Variants in CEP104 observed in about 807,000 individuals in gnomAD.
CEP104 encodes the protein centrosomal protein of 104 kDa.
CEP104 carries 84 observed loss-of-function variants against 113.3 expected under a neutral mutation model. The ratio of observed to expected loss-of-function variants is 0.74; its 90% CI spans 0.62 to 0.89. The LOEUF is 0.89. Ranked by LOEUF, CEP104 falls within the 40% of genes least tolerant of loss-of-function variation. The pLI, the probability that CEP104 is intolerant of heterozygous loss-of-function variation, is 0.00. For synonymous variants in CEP104, 378 were observed against 421.7 expected (o/e 0.90, Z 1.27); for missense variants, 1,053 against 1,156.6 (o/e 0.91, Z 1.30).
At position 3,815,391 on chromosome 1, in the gene CEP104, C is replaced by T. The variant is rs768166299; in HGVS notation, c.*11G>A. The stretch of plus-strand genomic sequence containing the variant: ...CATCCCTCACAGAGACCAAGGAGCC[C>T]GAGCGCCGCGTCAGCGCTTGGCGTA... On this transcript the variant is annotated 3_prime_UTR_variant, in exon 22 of 22. Transcript: ENST00000378230. The T allele has an allele frequency of 1.1e-5, 17 of 1,591,044 alleles. No homozygotes were observed. Among genetic ancestry groups the T allele is most frequent in the South Asian group, 5.6e-5 (5 of 89,008 alleles).
In CEP104 at chr1:3,825,850, C is replaced by T; in HGVS notation, c.2272G>A (p.Gly758Arg). ...HYLDNLCIFC[G>R]ERSESFTEEG... Reference sequence around the variant, plus strand: ...TCTGTGAAGGATTCACTCCTTTCCCCACAAAAAATACACAAACTGAAAGCA... The same window carrying T: ...TCTGTGAAGGATTCACTCCTTTCCCTACAAAAAATACACAAACTGAAAGCA... The change falls in exon 18 of 22, where the codon GGG becomes AGG. Residue 758 changes from glycine (G) to arginine (R), a missense_variant. By Grantham distance (125) the Gly-to-Arg change is moderately radical. Transcript: ENST00000378230. 1 of 1,612,492 alleles carries T rather than the reference C, an allele frequency of 6.2e-7. No individual in the cohort carries two copies. The highest frequency in any genetic ancestry group is 8.5e-7 in the Non-Finnish European group (1 of 1,178,536).
rs41450948 is a variant in CEP104, at chr1:3,839,354, T to C, written c.736-235A>G. Among the ~76,000 whole-genome samples the C allele has an allele frequency of 0.014, 2,096 of 152,260 alleles. 46 individuals carry two copies. Among genetic ancestry groups the C allele is most frequent in the African/African-American group, 0.048 (1,983 of 41,560 alleles). ...GATAGCTGGTTTTCCTATTTTCCCA[T>C]TGGGCTCAGGGTCCTAGTAACGAGG... On this transcript the variant is annotated intron_variant, in intron 7 of 21. Coordinates refer to ENST00000378230, the MANE Select transcript of CEP104 (RefSeq NM_014704.4).
intron 8 of CEP104, 78 bp downstream of exon 8, chr1:3,838,886 A>G (rs1332004392): frequency 6.8e-7 from 1 of 1,469,718 alleles, no homozygotes. Context: ...AAAGACATCT[A>G]TCCACTGTTG....
chr1:3,837,477 A>T lies in CEP104; in HGVS notation c.934T>A (p.Ser312Thr). Residue 312 changes from serine (S) to threonine (T), a missense_variant, in exon 9 of 22, where the codon TCT becomes ACT. Coordinates refer to ENST00000378230, the MANE Select transcript of CEP104 (RefSeq NM_014704.4). ...GGCTTTTGGTGGCAAGGACTGCCAGAACGAGCGAGGGGCTGGAGGGGCAAA... is the reference window on the plus strand; with the variant it reads ...GGCTTTTGGTGGCAAGGACTGCCAGTACGAGCGAGGGGCTGGAGGGGCAAA... ...FDLPLQPLARSGSPCHQKPMP... is the reference protein window; with the variant it reads ...FDLPLQPLARTGSPCHQKPMP... 2 of 1,614,272 alleles carry T rather than the reference A, an allele frequency of 1.2e-6. No individual in the cohort carries two copies. The highest frequency in any genetic ancestry group is 1.7e-6 in the Non-Finnish European group (2 of 1,180,050).
At position 3,836,712 on chromosome 1, in the gene CEP104, G is replaced by C. The variant is rs1421272603; in HGVS notation, c.1120-20C>G. 1 of 1,611,480 alleles carries C rather than the reference G, an allele frequency of 6.2e-7. No individual in the cohort carries two copies. Among genetic ancestry groups the C allele is most frequent in the Non-Finnish European group, 8.5e-7 (1 of 1,179,312 alleles). ...CTCTGCCTGCAGTGAGTGAAGGAGAGAGGAAAGTGCTGGGGAGCTCCATAG... is the reference window on the plus strand; with the variant it reads ...CTCTGCCTGCAGTGAGTGAAGGAGACAGGAAAGTGCTGGGGAGCTCCATAG... On this transcript the variant is annotated intron_variant, in intron 9 of 21. Transcript: ENST00000378230.
At chr1:3,843,124 G>A (rs750635831) in intron 6 of CEP104, 41 of 634,168 alleles carry the variant, frequency 6.5e-5, no homozygotes, top group Non-Finnish European at 9.0e-5. Flanking sequence ...TTCTCACTGC[G>A]GCAACTATGG....
At chr1:3,840,225 A>G (rs764193966) in intron 6 of CEP104, among the ~76,000 whole-genome samples, 3 of 152,112 alleles carry the variant, frequency 2.0e-5, no homozygotes, top group Non-Finnish European at 4.4e-5. Flanking sequence ...TTATAACAAC[A>G]CAGTATTTTT....
At position 3,826,251 on chromosome 1, in the gene CEP104, T is replaced by G. The variant is rs532641680; in HGVS notation, c.2255+119A>C. 7.4e-6 allele frequency: 6 copies of G among 816,166 alleles called. No homozygotes were observed. In the Admixed American group the frequency reaches 1.0e-4, roughly 14 times the overall value. 50.6% of individuals were successfully genotyped at this position (816,166 alleles called of 1,614,324 possible). Reference sequence around the variant, plus strand: ...TGCTGGTTAGTGCAGAAGGCACATTTCCTACCTTTTATGATGACTACGAAG... The same window carrying G: ...TGCTGGTTAGTGCAGAAGGCACATTGCCTACCTTTTATGATGACTACGAAG... On this transcript the variant is annotated intron_variant, in intron 17 of 21. Transcript: ENST00000378230.
chr1:3,839,145 CT>C, intron 7 of CEP104, 26 bp from the exon 8 acceptor site: 2 of 1,610,514 alleles, frequency 1.2e-6, no homozygotes, highest in Non-Finnish European at 1.7e-6. Flanking sequence ...TTTGCTTTTT[CT>C]TTCAAATTTG....
At chr1:3,824,857 C>G (rs1644054572) in intron 18 of CEP104, among the ~76,000 whole-genome samples, 1 of 138,314 alleles carries the variant, frequency 7.2e-6, no homozygotes, top group East Asian at 2.1e-4. Context: ...GGAAGGGAGG[C>G]AGTGGCACCG....
intron 10 of CEP104, among the ~76,000 whole-genome samples, chr1:3,835,790 A>G (rs144859695): frequency 1.3e-5 from 2 of 152,390 alleles, no homozygotes; most frequent in African/African-American, 2.4e-5. Context: ...GAATGCCAGA[A>G]GGAAACACCC....
rs34966926 is a variant in CEP104, at chr1:3,835,164, G to GT, written c.1318-73dup. 233,854 of 993,632 alleles carry GT rather than the reference G, an allele frequency of 0.24. 19,383 individuals carry two copies. Among genetic ancestry groups the GT allele is most frequent in the African/African-American group, 0.47 (27,076 of 57,092 alleles). The allele number at this position is 993,632 out of a possible 1,614,324, so 61.6% of individuals were successfully genotyped here. On this transcript the variant is annotated intron_variant, in intron 10 of 21. Coordinates refer to ENST00000378230, the MANE Select transcript of CEP104 (RefSeq NM_014704.4). ...CAACACTACACAACTTGAAGGCTTTGTTTTTTTTTTAACTAAAATGATTCA... is the reference window on the plus strand; with the variant it reads ...CAACACTACACAACTTGAAGGCTTTGTTTTTTTTTTTAACTAAAATGATTCA...
chr1:3,842,236 C>A (rs947673384), intron 6 of CEP104, among the ~76,000 whole-genome samples: 2 of 152,214 alleles, frequency 1.3e-5, no homozygotes, highest in African/African-American at 2.4e-5. Context: ...CCCGCCACCA[C>A]GCCCGGCTAA....
In CEP104 at chr1:3,839,672, G is replaced by C; in HGVS notation, c.671C>G (p.Ala224Gly). ...IRKLDERKRE[A>G]VQKERYDYAK... Reference sequence around the variant, plus strand: ...ATAATCATAGCGTTCCTTTTGGACAGCTTCCCGTTTTCTTTCATCTAATTT... The same window carrying C: ...ATAATCATAGCGTTCCTTTTGGACACCTTCCCGTTTTCTTTCATCTAATTT... The change falls in exon 7 of 22, where the codon GCT becomes GGT. Residue 224 changes from alanine (A) to glycine (G), a missense_variant. Coordinates refer to ENST00000378230, the MANE Select transcript of CEP104 (RefSeq NM_014704.4). 1 of 1,614,114 alleles carries C rather than the reference G, an allele frequency of 6.2e-7. No individual in the cohort carries two copies. Among genetic ancestry groups the C allele is most frequent in the Non-Finnish European group, 8.5e-7 (1 of 1,179,988 alleles).
In CEP104 at chr1:3,838,989, A is replaced by G. The variant is rs749524149; in HGVS notation, c.866T>C (p.Leu289Pro). ...YRAEVYEQLE[L>P]HSLLDAELMR... The stretch of plus-strand genomic sequence containing the variant: ...CAGCTCGGCATCCAGGAGGCTGTGC[A>G]GCTCCAGCTGCTCGTACACCTCGGC... Residue 289 changes from leucine (L) to proline (P), a missense_variant, in exon 8 of 22, where the codon CTG (leucine) becomes CCG (proline). Leu to Pro is a moderately conservative substitution (Grantham distance 98). Transcript: ENST00000378230. 6 of 1,614,144 alleles carry G rather than the reference A, an allele frequency of 3.7e-6. No homozygotes were observed. Among genetic ancestry groups the G allele is most frequent in the African/African-American group, 1.3e-5 (1 of 75,042 alleles).
intron 10 of CEP104, among the ~76,000 whole-genome samples, chr1:3,836,098 G>A (rs548181537): frequency 2.1e-4 from 32 of 151,996 alleles, no homozygotes; most frequent in African/African-American, 6.5e-4. Context: ...TCAGGAGATC[G>A]AGACCATCCT....
At chr1:3,843,905 G>A (rs1644460373) in intron 6 of CEP104, among the ~76,000 whole-genome samples, 1 of 152,002 alleles carries the variant, frequency 6.6e-6, no homozygotes, top group Admixed American at 6.6e-5. Context: ...GGGATTACAG[G>A]TGCGCGCCAC....
At chr1:3,818,773 G>A (rs1438767818) in intron 20 of CEP104, among the ~76,000 whole-genome samples, 2 of 152,162 alleles carry the variant, frequency 1.3e-5, no homozygotes, top group Non-Finnish European at 2.9e-5. Context: ...CAGTTCAGTA[G>A]TGTTAAGCAT....
chr1:3,843,632 G>A (rs181641684), intron 6 of CEP104, among the ~76,000 whole-genome samples: 7 of 151,692 alleles, frequency 4.6e-5, no homozygotes, highest in East Asian at 1.9e-4. Flanking sequence ...GATTACAGGC[G>A]TTAGCCACCA....
Sources: allele counts gnomAD v4.1 joint callset (sites outside exome capture counted in the v4.1 genomes callset), GRCh38; gene constraint gnomAD v4.1.1; transcripts MANE v1.5; gene names NCBI Gene and HGNC (gene_info 2026-07-23, HGNC 2026-07-21).